The following GLUD1 variants were observed in gnomAD, a reference collection of about 807,000 sequenced individuals.
GLUD1 encodes the protein glutamate dehydrogenase 1.
In GLUD1, 22 loss-of-function variants were observed where a neutral mutation model predicts 56.0. The observed-to-expected ratio is 0.39, with a 90% CI of 0.28 to 0.56. The LOEUF is 0.56. GLUD1 is among the 20% of genes least tolerant of loss of function. GLUD1 has a pLI of 0.58. For synonymous variants in GLUD1, 223 were observed against 269.9 expected, an observed-to-expected ratio of 0.83 and a Z score of 1.70; for missense variants, 451 against 732.0, an observed-to-expected ratio of 0.62 and a Z score of 4.43.
intron 10 of GLUD1, 106 bp downstream of exon 10, chr10:87,059,044 G>T: frequency 7.8e-7 from 1 of 1,280,198 alleles, no homozygotes; most frequent in Non-Finnish European, 1.1e-6. Flanking sequence ...TCTTTTCTGA[G>T]ACTCAATTCT....
intron 11 of GLUD1, among the ~76,000 whole-genome samples, chr10:87,056,800 A>AT (rs1256066738): frequency 1.3e-5 from 2 of 152,180 alleles, no homozygotes; most frequent in Non-Finnish European, 2.9e-5. Flanking sequence ...TATGGAGAAC[A>AT]TAAGATCCAT....
intron 11 of GLUD1, among the ~76,000 whole-genome samples, chr10:87,055,398 A>G (rs1399936185): frequency 6.6e-6 from 1 of 152,124 alleles, no homozygotes; most frequent in Non-Finnish European, 1.5e-5. Flanking sequence ...GGCAGGGGGA[A>G]ACTAGAGGGA....
chr10:87,060,062 A>C, intron 9 of GLUD1, 99 bp downstream of exon 9: 1 of 811,902 alleles, frequency 1.2e-6, no homozygotes, highest in Non-Finnish European at 2.2e-6. Flanking sequence ...AATTCACTAG[A>C]GCTTGGAGAC....
intron 7 of GLUD1, 34 bp from the exon 8 acceptor site, chr10:87,060,859 C>T: frequency 1.9e-6 from 3 of 1,614,062 alleles, no homozygotes; most frequent in African/African-American, 2.7e-5. Context: ...TTAATAGCTG[C>T]ACCAGAGTTT....
chr10:87,079,430 T>C (rs1841143865), intron 1 of GLUD1, among the ~76,000 whole-genome samples: 8 of 151,444 alleles, frequency 5.3e-5, no homozygotes, highest in Admixed American at 5.2e-4. Flanking sequence ...GAGCCAGACC[T>C]TTCCTCAAAA....
intron 1 of GLUD1, among the ~76,000 whole-genome samples, chr10:87,083,203 A>G (rs1302409237): frequency 1.4e-5 from 2 of 147,182 alleles, no homozygotes; most frequent in African/African-American, 2.6e-5. Flanking sequence ...ACAGTTTGAG[A>G]CTGTCTCAAA....
chr10:87,082,099 T>C (rs988023982), intron 1 of GLUD1, among the ~76,000 whole-genome samples: 4 of 152,236 alleles, frequency 2.6e-5, no homozygotes, highest in African/African-American at 9.6e-5. Context: ...TGTTACTTTC[T>C]TTTAACTTAG....
chr10:87,080,729 C>T (rs929000631), intron 1 of GLUD1, among the ~76,000 whole-genome samples: 1 of 148,724 alleles, frequency 6.7e-6, no homozygotes, highest in Non-Finnish European at 1.5e-5. Flanking sequence ...AAGTGAGGAG[C>T]CCCTCCGCCT....
At chr10:87,070,966 A>G (rs891113512) in intron 4 of GLUD1, among the ~76,000 whole-genome samples, 5 of 151,628 alleles carry the variant, frequency 3.3e-5, no homozygotes. Flanking sequence ...TGTCTCTACT[A>G]AAAATACAAA....
chr10:87,085,820 C>A (rs977003760), intron 1 of GLUD1, among the ~76,000 whole-genome samples: 1 of 152,080 alleles, frequency 6.6e-6, no homozygotes, highest in African/African-American at 2.4e-5. Context: ...TACAGCCTGA[C>A]AGATGGAAGA....
intron 4 of GLUD1, among the ~76,000 whole-genome samples, chr10:87,073,420 C>T (rs1469030867): frequency 6.6e-6 from 1 of 152,074 alleles, no homozygotes; most frequent in African/African-American, 2.4e-5. Flanking sequence ...TCCAAAAATG[C>T]TGGGATTACA....
Position 87,067,825 on chromosome 10 carries a change from C to T in GLUD1, c.741+238G>A, listed in dbSNP as rs115120377. ...TGATGTACGTTCTAGTGTCTTAGCACAGTGGGCTGCCCTGGTCCTGTTCCA... is the reference window on the plus strand; with the variant it reads ...TGATGTACGTTCTAGTGTCTTAGCATAGTGGGCTGCCCTGGTCCTGTTCCA... On this transcript the variant is annotated intron_variant, in intron 5 of 12. Transcript: ENST00000277865. 1,550 of 478,822 alleles carry T rather than the reference C, an allele frequency of 3.2e-3. 28 individuals carry two copies. The highest frequency in any genetic ancestry group is 0.027 in the African/African-American group (1,400 of 51,088). The allele number at this position is 478,822 out of a possible 1,614,324, so 29.7% of individuals were successfully genotyped here.
intron 5 of GLUD1, among the ~76,000 whole-genome samples, chr10:87,063,583 A>G (rs1236632502): frequency 6.6e-6 from 1 of 152,194 alleles, no homozygotes; most frequent in Non-Finnish European, 1.5e-5. Flanking sequence ...ACCAAAACAG[A>G]GCCTGAGACA....
intron 4 of GLUD1, among the ~76,000 whole-genome samples, chr10:87,073,164 T>C (rs1304156695): frequency 6.6e-6 from 1 of 152,206 alleles, no homozygotes; most frequent in Non-Finnish European, 1.5e-5. Context: ...CTCTTTCTTC[T>C]TGAGATGTGG....
At chr10:87,081,737 T>C (rs1841260011) in intron 1 of GLUD1, among the ~76,000 whole-genome samples, 1 of 151,974 alleles carries the variant, frequency 6.6e-6, no homozygotes, top group African/African-American at 2.4e-5. Context: ...GTTAAACAGA[T>C]GCTTGAAGGC....
rs1014781950 is a variant in GLUD1 at position 87,068,098 on chromosome 10, T to C, written c.706A>G (p.Ile236Val). ...MSTGEREMSW[I>V]ADTYASTIGH... ...ATGGTGCTGGCATAGGTATCAGCGA[T>C]CCAGGACATCTCCCGCTCACCTGTG... The change falls in exon 5 of 13, where the codon ATC becomes GTC. Residue 236 changes from isoleucine to valine, a missense_variant. Coordinates refer to ENST00000277865, the MANE Select transcript of GLUD1 (RefSeq NM_005271.5). 1.1e-5 allele frequency: 18 copies of C among 1,613,146 alleles called. No individual in the cohort carries two copies. Among genetic ancestry groups the C allele is most frequent in the Non-Finnish European group, 1.5e-5 (18 of 1,179,204 alleles).
Position 87,057,794 on chromosome 10 carries a change from TAAC to T in GLUD1, c.1403-15_1403-13del. 8.7e-7 allele frequency: 1 copy of T among 1,151,912 alleles called. No individual in the cohort carries two copies. The highest frequency in any genetic ancestry group is 1.2e-6 in the Non-Finnish European group (1 of 808,736). 71.4% of individuals were successfully genotyped at this position (1,151,912 alleles called of 1,614,324 possible). On this transcript the variant is annotated splice_polypyrimidine_tract_variant and intron_variant, in intron 10 of 12. Coordinates refer to ENST00000277865, the MANE Select transcript of GLUD1 (RefSeq NM_005271.5). ...CTCTTGAACAGACACTACAAAAAAA[TAAC>T]AAGAGATCAAGATATTGCTAACAGA... is the stretch of plus-strand genomic sequence containing the variant.
intron 11 of GLUD1, among the ~76,000 whole-genome samples, chr10:87,056,225 TAA>T (rs1845772222): frequency 6.6e-6 from 1 of 150,920 alleles, no homozygotes; most frequent in African/African-American, 2.4e-5. Flanking sequence ...TTATAAGATA[TAA>T]GTCAGCCATT....
chr10:87,052,391 GGAA>G (rs1301490107), intron 12 of GLUD1, among the ~76,000 whole-genome samples: 1 of 152,130 alleles, frequency 6.6e-6, no homozygotes, highest in Admixed American at 6.5e-5. Flanking sequence ...GGGAGACTGA[GGAA>G]GGAGAATTGC....
Sources: allele counts gnomAD v4.1 joint callset (sites outside exome capture counted in the v4.1 genomes callset), GRCh38; gene constraint gnomAD v4.1.1; transcripts MANE v1.5; gene names NCBI Gene and HGNC (gene_info 2026-07-23, HGNC 2026-07-21).